The following NMNAT3 variants were observed in gnomAD, a reference collection of about 807,000 sequenced individuals.
The protein encoded by NMNAT3 is nicotinamide nucleotide adenylyltransferase 3.
A neutral mutation model predicts 24.8 loss-of-function variants in NMNAT3; 21 were observed. The ratio of observed to expected loss-of-function variants is 0.85; its 90% confidence interval spans 0.60 to 1.22. NMNAT3 has a LOEUF of 1.22. NMNAT3 is among the 50% of genes most tolerant of loss of function. NMNAT3 has a pLI of 0.00. For missense variants in NMNAT3, 387 were observed against 436.6 expected, an observed-to-expected ratio of 0.89 and a Z score of 1.01; for synonymous variants, 136 against 155.2, an observed-to-expected ratio of 0.88 and a Z score of 0.92.
chr3:139,623,310 C>T (rs1440795349), intron 3 of NMNAT3, among the ~76,000 whole-genome samples: 1 of 152,174 alleles, frequency 6.6e-6, no homozygotes, highest in African/African-American at 2.4e-5. Context: ...CCATCTTCTA[C>T]TTCCACATCT....
At chr3:139,582,896 C>T (rs2053727245) in intron 4 of NMNAT3, 15 of 1,313,972 alleles carry the variant, frequency 1.1e-5, no homozygotes, top group Non-Finnish European at 1.5e-5. Context: ...GAGGGAGGAG[C>T]AGTCCAAAAA....
chr3:139,606,642 A>G lies in NMNAT3; in HGVS notation c.109+20974T>C, dbSNP rs145480093. ...GCATCATTGATGATTCTGCTCTGTA[A>G]CAATTATTACTGTTAAATTAGTTTG... On this transcript the variant is annotated intron_variant, in intron 3 of 6. Coordinates refer to ENST00000643695, the MANE Select transcript of NMNAT3 (RefSeq NM_001320510.2). Among the ~76,000 whole-genome samples, 23 of 152,330 alleles carry G rather than the reference A, an allele frequency of 1.5e-4. No homozygotes were observed. The East Asian group carries it at 4.0e-3, about 27-fold the overall frequency.
chr3:139,604,079 C>G (rs2054832666), intron 3 of NMNAT3, among the ~76,000 whole-genome samples: 1 of 152,116 alleles, frequency 6.6e-6, no homozygotes, highest in African/African-American at 2.4e-5. Flanking sequence ...GTAGGGGTCC[C>G]TCAATTACCT....
intron 2 of NMNAT3, among the ~76,000 whole-genome samples, chr3:139,632,077 T>G (rs2056322388): frequency 6.6e-6 from 1 of 152,136 alleles, no homozygotes; most frequent in Non-Finnish European, 1.5e-5. Flanking sequence ...GTTTTTAAAT[T>G]CATCTTGGTC....
chr3:139,583,564 T>G, intron 3 of NMNAT3: 1 of 733,712 alleles, frequency 1.4e-6, no homozygotes, highest in East Asian at 2.5e-5. Context: ...CTTCACTTCA[T>G]TTGAGAAATA....
intron 1 of NMNAT3, among the ~76,000 whole-genome samples, chr3:139,663,581 G>T (rs1296884750): frequency 6.6e-6 from 1 of 152,140 alleles, no homozygotes; most frequent in Non-Finnish European, 1.5e-5. Context: ...ACTTCACTGT[G>T]TGAATTTGGG....
chr3:139,640,917 GATTA>G (rs1467805987), intron 1 of NMNAT3, among the ~76,000 whole-genome samples: 1 of 152,202 alleles, frequency 6.6e-6, no homozygotes, highest in African/African-American at 2.4e-5. Flanking sequence ...TTGAGGCTGT[GATTA>G]ATTAAAAATT....
intron 6 of NMNAT3, chr3:139,566,328 T>C (rs1436702083): frequency 3.3e-5 from 5 of 152,050 alleles, no homozygotes; most frequent in Non-Finnish European, 1.5e-5. Flanking sequence ...TTCACTCTGA[T>C]GGTAGTTTCT....
chr3:139,580,322 C>T (rs563026347), intron 4 of NMNAT3, among the ~76,000 whole-genome samples: 5 of 152,302 alleles, frequency 3.3e-5, no homozygotes, highest in Admixed American at 1.3e-4. Flanking sequence ...AGGGTTTTGC[C>T]ATGTTGGCTA....
chr3:139,572,615 G>T (rs1938574480), intron 6 of NMNAT3, among the ~76,000 whole-genome samples: 1 of 152,144 alleles, frequency 6.6e-6, no homozygotes, highest in African/African-American at 2.4e-5. Context: ...CTGTTGCATG[G>T]CACCTTTAGG....
At chr3:139,567,143 C>T (rs1188615056) in intron 6 of NMNAT3, 1 of 152,174 alleles carries the variant, frequency 6.6e-6, no homozygotes, top group Non-Finnish European at 1.5e-5. Context: ...TGGGAGTTCA[C>T]TCACGATTTG....
intron 3 of NMNAT3, among the ~76,000 whole-genome samples, chr3:139,611,068 G>T (rs1276315494): frequency 6.6e-6 from 1 of 152,056 alleles, no homozygotes; most frequent in Non-Finnish European, 1.5e-5. Context: ...AAAGGACAAG[G>T]CTTTGGACTG....
intron 3 of NMNAT3, among the ~76,000 whole-genome samples, chr3:139,613,987 TG>T (rs954644427): frequency 4.8e-5 from 7 of 147,270 alleles, no homozygotes; most frequent in Admixed American, 4.1e-4. Context: ...GGGCCTGTTG[TG>T]GGGTGGGGGA....
At chr3:139,565,976 C>T (rs191350508) in intron 6 of NMNAT3, 1 of 152,322 alleles carries the variant, frequency 6.6e-6, no homozygotes, top group Non-Finnish European at 1.5e-5. Flanking sequence ...TACAGTCCCA[C>T]CAAAGTGTAA....
chr3:139,671,897 C>A (rs2057769574), intron 1 of NMNAT3, among the ~76,000 whole-genome samples: 1 of 152,218 alleles, frequency 6.6e-6, no homozygotes. Context: ...TTTCTCTTGA[C>A]CTGACCTGGT....
intron 1 of NMNAT3, among the ~76,000 whole-genome samples, chr3:139,649,399 T>C (rs1230735300): frequency 6.6e-6 from 1 of 151,932 alleles, no homozygotes; most frequent in Non-Finnish European, 1.5e-5. Flanking sequence ...TGTTTTTATT[T>C]AAAAAAAGAA....
Position 139,579,029 on chromosome 3 carries a change from T to C in NMNAT3, c.418A>G (p.Ile140Val). 1 of 1,613,994 alleles carries C rather than the reference T, an allele frequency of 6.2e-7. No individual in the cohort carries two copies. The highest frequency in any genetic ancestry group is 8.5e-7 in the Non-Finnish European group (1 of 1,179,968). Residue 140 changes from isoleucine (I) to valine (V), a missense_variant, in exon 5 of 7, where the codon ATC becomes GTC. Around this residue, in one of 3 missense-constraint regions of NMNAT3, gnomAD observed 323 missense variants for 345.2 expected, o/e 0.94. Coordinates refer to ENST00000643695, the MANE Select transcript of NMNAT3 (RefSeq NM_001320510.2). Reference sequence around the variant, plus strand: ...CCATAGGTGTCGTTGACAGGAGAGATGATACCCTGGATGACCTGGTACATT... The same window carrying C: ...CCATAGGTGTCGTTGACAGGAGAGACGATACCCTGGATGACCTGGTACATT...
chr3:139,567,794 A>G (rs1937483817), intron 6 of NMNAT3: 1 of 152,188 alleles, frequency 6.6e-6, no homozygotes, highest in African/African-American at 2.4e-5. Context: ...ATATTGGTCT[A>G]AAATTCTCTT....
chr3:139,645,553 G>A (rs1576731401), intron 1 of NMNAT3, among the ~76,000 whole-genome samples: 1 of 152,056 alleles, frequency 6.6e-6, no homozygotes, highest in Non-Finnish European at 1.5e-5. Context: ...TCTCATGGTC[G>A]CATGACCGCT....
Sources: allele counts gnomAD v4.1 joint callset (sites outside exome capture counted in the v4.1 genomes callset), GRCh38; gene constraint gnomAD v4.1.1; regional missense constraint gnomAD v4.1.1; transcripts MANE v1.5; gene names NCBI Gene and HGNC (gene_info 2026-07-23, HGNC 2026-07-21).